Variants in IQCK observed in about 807,000 individuals in gnomAD.
The protein encoded by IQCK is IQ motif containing K, also known as IQ domain-containing protein K.
In IQCK, 29 loss-of-function variants were observed where a neutral mutation model predicts 28.1. The ratio of observed to expected loss-of-function variants is 1.03; its 90% CI spans 0.77 to 1.41. The LOEUF (loss-of-function observed/expected upper bound fraction) is 1.41. Ranked by LOEUF, IQCK falls within the 40% of genes most tolerant of loss-of-function variation. IQCK has a pLI of 0.00. For missense variants in IQCK, 359 were observed against 314.7 expected, an observed-to-expected ratio of 1.14 and a Z score of -1.07; for synonymous variants, 113 against 115.1, an observed-to-expected ratio of 0.98 and a Z score of 0.12.
At chr16:19,821,745 T>C (rs180913345) in intron 7 of IQCK, among the ~76,000 whole-genome samples, 28 of 152,188 alleles carry the variant, frequency 1.8e-4, no homozygotes, top group African/African-American at 6.7e-4. Flanking sequence ...ATAGCAACCC[T>C]GTTCCCAATA....
At chr16:19,766,937 G>A (rs2055246857) in intron 6 of IQCK, among the ~76,000 whole-genome samples, 1 of 152,216 alleles carries the variant, frequency 6.6e-6, no homozygotes, top group African/African-American at 2.4e-5. Flanking sequence ...AGGTGTGGTG[G>A]CACATGCCTG....
chr16:19,781,729 C>T (rs2055487617), intron 6 of IQCK, among the ~76,000 whole-genome samples: 1 of 152,208 alleles, frequency 6.6e-6, no homozygotes, highest in Non-Finnish European at 1.5e-5. Flanking sequence ...TGGCTCACGC[C>T]TGTAATCCCA....
At chr16:19,760,538 A>G (rs1368361459) in intron 4 of IQCK, among the ~76,000 whole-genome samples, 1 of 152,194 alleles carries the variant, frequency 6.6e-6, no homozygotes, top group Non-Finnish European at 1.5e-5. Context: ...TTTCCAATAC[A>G]GTCATATTCT....
At chr16:19,776,550 C>A (rs543640453) in intron 6 of IQCK, among the ~76,000 whole-genome samples, 51 of 152,154 alleles carry the variant, frequency 3.4e-4, no homozygotes, top group African/African-American at 1.2e-3. Flanking sequence ...ACTAAAAATA[C>A]AAAAAAATTA....
intron 6 of IQCK, among the ~76,000 whole-genome samples, chr16:19,777,684 G>C (rs2055413786): frequency 6.6e-6 from 1 of 152,104 alleles, no homozygotes; most frequent in African/African-American, 2.4e-5. Flanking sequence ...TTTGACATGT[G>C]GGTGGCCCTT....
chr16:19,828,858 ATATATATATATAT>A (rs1567196677), downstream of IQCK, among the ~76,000 whole-genome samples: 27 of 129,430 alleles, frequency 2.1e-4, no homozygotes, highest in African/African-American at 8.7e-4. Context: ...CTCAAAAAAA[ATATATATATATAT>A]AAATATATAT....
At chr16:19,774,398 C>CTTTTTTTTTTTTTTTTTTTT (rs1167894201) in intron 6 of IQCK, among the ~76,000 whole-genome samples, 1 of 104,100 alleles carries the variant, frequency 9.6e-6, no homozygotes, top group African/African-American at 3.7e-5. Flanking sequence ...TTAGCTAATA[C>CTTTTTTTTTTTTTTTTTTTT]TTTTTTTTTT....
chr16:19,820,183 A>G (rs903064784), intron 7 of IQCK, among the ~76,000 whole-genome samples: 1 of 151,898 alleles, frequency 6.6e-6, no homozygotes, highest in African/African-American at 2.4e-5. Context: ...TTTTTTATCT[A>G]TGACACCAAA....
chr16:19,751,356 A>G (rs1049241431), intron 4 of IQCK, among the ~76,000 whole-genome samples: 2 of 152,096 alleles, frequency 1.3e-5, no homozygotes, highest in South Asian at 2.1e-4. Flanking sequence ...CCATGTGCCT[A>G]TAGTCCCAGC....
At chr16:19,841,909 G>A (rs985478687) in intron 9 of IQCK, among the ~76,000 whole-genome samples, 10 of 150,920 alleles carry the variant, frequency 6.6e-5, no homozygotes, top group South Asian at 2.1e-4. Context: ...TCAGTGGTGC[G>A]ATCTCAGCTC....
intron 6 of IQCK, among the ~76,000 whole-genome samples, chr16:19,771,556 T>C (rs1489707983): frequency 6.6e-6 from 1 of 152,112 alleles, no homozygotes; most frequent in East Asian, 1.9e-4. Flanking sequence ...TTTTGTATAA[T>C]AAAAATGATA....
chr16:19,855,715 T>C (rs1487828214), intron 9 of IQCK, among the ~76,000 whole-genome samples: 3 of 152,140 alleles, frequency 2.0e-5, no homozygotes, highest in African/African-American at 7.2e-5. Flanking sequence ...CCCTACATAG[T>C]AACAAGCTCA....
Position 19,776,842 on chromosome 16 carries a change from T to G in IQCK, c.606-11996T>G, listed in dbSNP as rs571174258. On this transcript the variant is annotated intron_variant, in intron 6 of 7. Coordinates refer to ENST00000564186, the Ensembl canonical transcript of IQCK. ...CTCCCGTCGGCCTTAGTCCTGTTTA[T>G]TAATCCAGCACCATCCTCTTTTGTA... Among the ~76,000 whole-genome samples the G allele has an allele frequency of 1.5e-4, 23 of 152,374 alleles. No individual in the cohort carries two copies. The South Asian group carries it at 4.6e-3, about 30-fold the overall frequency.
intron 9 of IQCK, among the ~76,000 whole-genome samples, chr16:19,853,908 G>C (rs540484952): frequency 6.6e-6 from 1 of 152,350 alleles, no homozygotes; most frequent in East Asian, 1.9e-4. Flanking sequence ...GATTATAGGC[G>C]TGAGCCACTG....
At chr16:19,835,522 T>C (rs886075452) in intron 9 of IQCK, among the ~76,000 whole-genome samples, 2 of 152,104 alleles carry the variant, frequency 1.3e-5, no homozygotes, top group African/African-American at 4.8e-5. Flanking sequence ...TGAACAATGC[T>C]CCATAAACAT....
At chr16:19,771,119 T>C (rs992521567) in intron 6 of IQCK, among the ~76,000 whole-genome samples, 4 of 152,016 alleles carry the variant, frequency 2.6e-5, no homozygotes, top group African/African-American at 9.7e-5. Flanking sequence ...GGTGACAGGG[T>C]CTCCCTCTGT....
At chr16:19,757,246 C>T (rs986598363) in intron 4 of IQCK, among the ~76,000 whole-genome samples, 1 of 152,224 alleles carries the variant, frequency 6.6e-6, no homozygotes, top group Admixed American at 6.5e-5. Flanking sequence ...TATGAGTCAT[C>T]TGATGCAGAT....
At chr16:19,744,113 C>T (rs1597511502) in intron 4 of IQCK, among the ~76,000 whole-genome samples, 1 of 152,138 alleles carries the variant, frequency 6.6e-6, no homozygotes, top group African/African-American at 2.4e-5. Flanking sequence ...GGCCTGTTCC[C>T]CAAAAGCTAT....
chr16:19,776,847 C>T (rs569939978), intron 6 of IQCK, among the ~76,000 whole-genome samples: 1 of 152,288 alleles, frequency 6.6e-6, no homozygotes, highest in Non-Finnish European at 1.5e-5. Flanking sequence ...GTTTATTAAT[C>T]CAGCACCATC....
Sources: gnomAD v4.1 joint callset for allele counts (sites outside exome capture counted in the v4.1 genomes callset) on GRCh38, gnomAD v4.1.1 for gene constraint, MANE v1.5 for transcripts, NCBI Gene and HGNC (gene_info 2026-07-23, HGNC 2026-07-21) for gene names.